TEX9: variants seen among roughly 807,000 people sequenced by gnomAD.
The protein encoded by TEX9 is testis expressed 9, also known as testis-expressed protein 9.
Under a neutral mutation model 59.6 loss-of-function variants are expected in TEX9, and 74 were observed. The observed-to-expected ratio is 1.24, with a 90% CI of 1.03 to 1.51. TEX9 has a LOEUF of 1.51. Ranked by LOEUF, TEX9 falls within the 40% of genes most tolerant of loss-of-function variation. The pLI is 0.00. For synonymous variants in TEX9, 186 were observed against 152.2 expected (o/e 1.22, Z -1.64); for missense variants, 522 against 447.8 (o/e 1.17, Z -1.49).
At chr15:56,406,725 C>T (rs1331741291) in intron 9 of TEX9, among the ~76,000 whole-genome samples, 1 of 152,006 alleles carries the variant, frequency 6.6e-6, no homozygotes, top group Non-Finnish European at 1.5e-5. Context: ...TCATGTGTTT[C>T]TTGGCCGTTC....
At chr15:56,300,255 G>A (rs1490068635) in intron 1 of TEX9, among the ~76,000 whole-genome samples, 1 of 151,918 alleles carries the variant, frequency 6.6e-6, no homozygotes, top group Admixed American at 6.6e-5. Context: ...GGTGATGATG[G>A]CCATGAGGAG....
intron 1 of TEX9, among the ~76,000 whole-genome samples, chr15:56,318,982 C>T (rs1311041700): frequency 1.3e-5 from 2 of 152,036 alleles, no homozygotes; most frequent in Admixed American, 1.3e-4. Flanking sequence ...CACATCCATA[C>T]TGTATTAAAG....
chr15:56,288,944 C>T (rs1213897680), intron 1 of TEX9, among the ~76,000 whole-genome samples: 1 of 152,032 alleles, frequency 6.6e-6, no homozygotes, highest in East Asian at 1.9e-4. Context: ...CCCCTTAGTG[C>T]ATATTTTCAA....
At chr15:56,375,824 A>G (rs1214433877) in intron 3 of TEX9, among the ~76,000 whole-genome samples, 2 of 151,458 alleles carry the variant, frequency 1.3e-5, no homozygotes, top group Non-Finnish European at 2.9e-5. Flanking sequence ...ACCAACCCAA[A>G]TGTCCAACAA....
chr15:56,417,714 G>C (rs2049765867), intron 10 of TEX9, among the ~76,000 whole-genome samples: 1 of 151,894 alleles, frequency 6.6e-6, no homozygotes, highest in African/African-American at 2.4e-5. Flanking sequence ...ATTTGGTCCA[G>C]TGCTGAGTTT....
At chr15:56,376,298 A>G (rs1343225230) in intron 3 of TEX9, among the ~76,000 whole-genome samples, 1 of 152,070 alleles carries the variant, frequency 6.6e-6, no homozygotes, top group African/African-American at 2.4e-5. Flanking sequence ...GCTGGATCAT[A>G]TGATAACTTT....
intron 9 of TEX9, among the ~76,000 whole-genome samples, chr15:56,401,193 G>T (rs12441874): frequency 0.044 from 6,699 of 150,586 alleles, 223 homozygotes; most frequent in Admixed American, 0.088. Flanking sequence ...TCGCAAATTG[G>T]ATATAGAGTC....
chr15:56,394,384 T>C (rs754342673), intron 8 of TEX9, 137 bp downstream of exon 8: 6 of 736,432 alleles, frequency 8.1e-6, no homozygotes, highest in Admixed American at 3.4e-5. Context: ...ATATAAGTAC[T>C]GAACTTTATT....
chr15:56,452,413 T>C, the TEX9 span, among the ~76,000 whole-genome samples: 2 of 152,186 alleles, frequency 1.3e-5, no homozygotes, highest in Non-Finnish European at 2.9e-5. Flanking sequence ...TGGGTTCTTA[T>C]TGGGGGTGGT....
At chr15:56,448,864 C>G (rs1365899638), downstream of TEX9, among the ~76,000 whole-genome samples, 1 of 151,440 alleles carries the variant, frequency 6.6e-6, no homozygotes, top group Non-Finnish European at 1.5e-5. Flanking sequence ...CGCGATTCTC[C>G]TGTCTCAGCC....
chr15:56,265,882 T>A (rs2044368166), intron 1 of TEX9, among the ~76,000 whole-genome samples: 1 of 152,200 alleles, frequency 6.6e-6, no homozygotes, highest in Non-Finnish European at 1.5e-5. Flanking sequence ...TTTTTAATCC[T>A]TTACTGATTT....
intron 1 of TEX9, among the ~76,000 whole-genome samples, chr15:56,321,894 T>G (rs2725853): frequency 0.5 from 75,077 of 151,662 alleles, 20,041 homozygotes; most frequent in Non-Finnish European, 0.6. Flanking sequence ...GGAGAAAACA[T>G]AAGTAGTTGC....
chr15:56,333,906 A>C (rs959519262), intron 1 of TEX9, among the ~76,000 whole-genome samples: 3 of 152,146 alleles, frequency 2.0e-5, no homozygotes, highest in African/African-American at 7.2e-5. Context: ...CAAGAAACTA[A>C]TCTCATTTAC....
chr15:56,372,584 A>G (rs1050927069), intron 2 of TEX9, among the ~76,000 whole-genome samples: 43 of 152,178 alleles, frequency 2.8e-4, no homozygotes, highest in Admixed American at 3.3e-4. Context: ...CTTAATTGCA[A>G]TTTAATCGTA....
downstream of TEX9, among the ~76,000 whole-genome samples, chr15:56,448,964 A>G (rs1160313900): frequency 6.6e-6 from 1 of 152,066 alleles, no homozygotes; most frequent in Non-Finnish European, 1.5e-5. Context: ...CATGTTGGCT[A>G]GGCTGGTTTC....
chr15:56,381,803 C>CCAGTA (rs2047739519), intron 3 of TEX9, among the ~76,000 whole-genome samples: 1 of 152,228 alleles, frequency 6.6e-6, no homozygotes, highest in African/African-American at 2.4e-5. Context: ...CTCCGTCAGA[C>CCAGTA]CTGAAGCCAG....
intron 1 of TEX9, among the ~76,000 whole-genome samples, chr15:56,272,512 T>A (rs145233009): frequency 6.6e-6 from 1 of 152,354 alleles, no homozygotes; most frequent in African/African-American, 2.4e-5. Flanking sequence ...GTTCATCAGT[T>A]GATAGGCACT....
At chr15:56,438,631 A>C (rs914267679) in intron 12 of TEX9, among the ~76,000 whole-genome samples, 1 of 152,250 alleles carries the variant, frequency 6.6e-6, no homozygotes, top group Non-Finnish European at 1.5e-5. Flanking sequence ...AACAAAAGCC[A>C]AAATTGACAA....
intron 1 of TEX9, among the ~76,000 whole-genome samples, chr15:56,273,734 G>T (rs1291287563): frequency 6.6e-6 from 1 of 152,026 alleles, no homozygotes; most frequent in African/African-American, 2.4e-5. Context: ...AATTTTTTCA[G>T]CACTTTAAAT....
Sources: gnomAD v4.1 joint callset for allele counts (sites outside exome capture counted in the v4.1 genomes callset) on GRCh38, gnomAD v4.1.1 for gene constraint, MANE v1.5 for transcripts, NCBI Gene and HGNC (gene_info 2026-07-23, HGNC 2026-07-21) for gene names.